Variants in ACBD6 observed in about 807,000 individuals in gnomAD.
ACBD6 encodes acyl-CoA binding domain containing 6.
In ACBD6, 28 loss-of-function variants were observed where a neutral mutation model predicts 37.2. The ratio of observed to expected loss-of-function variants is 0.75; its 90% CI spans 0.56 to 1.03. The LOEUF (loss-of-function observed/expected upper bound fraction) is 1.03. Ranked by LOEUF, ACBD6 falls within the 50% of genes least tolerant of loss-of-function variation. The pLI is 0.00. For missense variants in ACBD6, 340 were observed against 337.4 expected, an observed-to-expected ratio of 1.01 and a Z score of -0.06; for synonymous variants, 113 against 126.8, an observed-to-expected ratio of 0.89 and a Z score of 0.73.
At position 180,475,252 on chromosome 1, in the gene ACBD6, T is replaced by G. The variant is rs559485403; in HGVS notation, c.384+17017A>C. Among the ~76,000 whole-genome samples, 6 of 152,372 alleles carry G rather than the reference T, an allele frequency of 3.9e-5. No homozygotes were observed. The East Asian group carries it at 1.2e-3, about 29-fold the overall frequency. On this transcript the variant is annotated intron_variant, in intron 3 of 7. Coordinates refer to ENST00000367595, the MANE Select transcript of ACBD6 (RefSeq NM_032360.4). Reference sequence around the variant, plus strand: ...GAAACCACTGCCACAGTCGAGATGATGAACATATATATCCACCATCTCGGA... The same window carrying G: ...GAAACCACTGCCACAGTCGAGATGAGGAACATATATATCCACCATCTCGGA...
chr1:180,347,361 T>TGG (rs34163299), intron 6 of ACBD6, among the ~76,000 whole-genome samples: 22 of 112,500 alleles, frequency 2.0e-4, no homozygotes, highest in Non-Finnish European at 2.3e-4. Flanking sequence ...CAACAGAAAG[T>TGG]TTTTTTTTTT....
chr1:180,405,542 TA>T (rs1647580008), intron 5 of ACBD6, among the ~76,000 whole-genome samples: 1 of 152,206 alleles, frequency 6.6e-6, no homozygotes, highest in African/African-American at 2.4e-5. Context: ...GGACTGATGA[TA>T]AACAGGTGCA....
At chr1:180,347,635 A>C (rs1178953770) in intron 6 of ACBD6, among the ~76,000 whole-genome samples, 2 of 152,156 alleles carry the variant, frequency 1.3e-5, no homozygotes. Context: ...CTATCCTTGA[A>C]AATTTTCAAG....
chr1:180,333,335 T>C (rs1320767160), intron 6 of ACBD6, among the ~76,000 whole-genome samples: 1 of 152,234 alleles, frequency 6.6e-6, no homozygotes, highest in Non-Finnish European at 1.5e-5. Flanking sequence ...TATCTAGTTC[T>C]GCATTCAATC....
chr1:180,473,826 T>TAC (rs1650670203), intron 3 of ACBD6, among the ~76,000 whole-genome samples: 2 of 152,110 alleles, frequency 1.3e-5, no homozygotes, highest in African/African-American at 2.4e-5. Flanking sequence ...TATGCACATA[T>TAC]ACACACACAC....
chr1:180,323,006 T>C lies in ACBD6; in HGVS notation c.664-8284A>G, dbSNP rs568598615. 2.6e-5 allele frequency among the ~76,000 whole-genome samples: 4 copies of C among 152,036 alleles called. No individual in the cohort carries two copies. In the East Asian group the frequency reaches 7.7e-4, roughly 29 times the overall value. ...TTTTTTGATGCAGGCGCTATAAACT[T>C]CTCTCTTGGTACTGCTTTCACTGTA... On this transcript the variant is annotated intron_variant, in intron 6 of 7. Coordinates refer to ENST00000367595, the MANE Select transcript of ACBD6 (RefSeq NM_032360.4).
chr1:180,360,113 G>A (rs1652792427), intron 6 of ACBD6, among the ~76,000 whole-genome samples: 1 of 152,058 alleles, frequency 6.6e-6, no homozygotes, highest in Admixed American at 6.5e-5. Flanking sequence ...TATGCAATTG[G>A]TTATAGAAAA....
intron 6 of ACBD6, among the ~76,000 whole-genome samples, chr1:180,389,330 T>C (rs1022029074): frequency 2.6e-5 from 4 of 152,068 alleles, no homozygotes; most frequent in South Asian, 2.1e-4. Flanking sequence ...AGAACATGAA[T>C]TCATCATTTT....
At chr1:180,421,215 G>A (rs1648348166) in intron 4 of ACBD6, among the ~76,000 whole-genome samples, 1 of 152,068 alleles carries the variant, frequency 6.6e-6, no homozygotes, top group South Asian at 2.1e-4. Context: ...CCCTCCATGT[G>A]TCCATGTGTT....
At chr1:180,299,033 G>GA (rs1650027499) in intron 7 of ACBD6, among the ~76,000 whole-genome samples, 1 of 151,146 alleles carries the variant, frequency 6.6e-6, no homozygotes, top group Non-Finnish European at 1.5e-5. Flanking sequence ...AATAGTTGTT[G>GA]AAAAAATATG....
intron 6 of ACBD6, among the ~76,000 whole-genome samples, chr1:180,357,808 G>GA (rs1412543312): frequency 3.3e-5 from 5 of 152,156 alleles, no homozygotes; most frequent in Non-Finnish European, 7.4e-5. Context: ...CCCTACAGGT[G>GA]AAAGACTTGG....
intron 3 of ACBD6, among the ~76,000 whole-genome samples, chr1:180,459,967 CTTTTTT>C (rs67323272): frequency 1.9e-5 from 2 of 107,980 alleles, no homozygotes; most frequent in African/African-American, 6.5e-5. Context: ...CAGACTGCTT[CTTTTTT>C]TTTTTTTTTT....
intron 5 of ACBD6, among the ~76,000 whole-genome samples, chr1:180,400,055 G>A (rs992811176): frequency 6.6e-6 from 1 of 152,106 alleles, no homozygotes; most frequent in Admixed American, 6.5e-5. Context: ...ATTTTCCTTA[G>A]GTTTGACCCA....
intron 6 of ACBD6, among the ~76,000 whole-genome samples, chr1:180,363,608 A>C (rs191972738): frequency 9.5e-4 from 144 of 152,316 alleles, no homozygotes; most frequent in Middle Eastern, 6.8e-3. Flanking sequence ...GGGAGGACTG[A>C]AAGGAATGAA....
chr1:180,326,541 C>T (rs191671826), intron 6 of ACBD6: 4 of 152,530 alleles, frequency 2.6e-5, no homozygotes, highest in African/African-American at 7.2e-5. Flanking sequence ...GGCGTTCTAG[C>T]CCATTGTGGC....
At chr1:180,414,919 A>G (rs1648013139) in intron 4 of ACBD6, among the ~76,000 whole-genome samples, 1 of 152,118 alleles carries the variant, frequency 6.6e-6, no homozygotes, top group East Asian at 1.9e-4. Flanking sequence ...GTAGAGCTGC[A>G]AATAATACCA....
In ACBD6 at chr1:180,288,303, A is replaced by T. The variant is rs902091905; in HGVS notation, c.*60T>A. On this transcript the variant is annotated 3_prime_UTR_variant, in exon 8 of 8. Coordinates refer to ENST00000367595, the MANE Select transcript of ACBD6 (RefSeq NM_032360.4). ...GGTGGAAAAGAAGTATTATTTTTGT[A>T]GTTTTCTTTCATAATGGAAGCCTTA... 6.2e-7 allele frequency: 1 copy of T among 1,607,026 alleles called. No individual in the cohort carries two copies. Among genetic ancestry groups the T allele is most frequent in the African/African-American group, 1.3e-5 (1 of 74,744 alleles).
At chr1:180,281,057 C>A (rs139194007) in intron 9 of ACBD6, among the ~76,000 whole-genome samples, 108 of 152,256 alleles carry the variant, frequency 7.1e-4, no homozygotes, top group African/African-American at 2.5e-3. Flanking sequence ...CCACTTTATC[C>A]TCTAGTGTAC....
chr1:180,420,740 T>G (rs1309163461), intron 4 of ACBD6, among the ~76,000 whole-genome samples: 1 of 152,214 alleles, frequency 6.6e-6, no homozygotes, highest in African/African-American at 2.4e-5. Context: ...CGGGGCTTCT[T>G]ATTGTACAAC....
Sources: gnomAD v4.1 joint callset for allele counts (sites outside exome capture counted in the v4.1 genomes callset) on GRCh38, gnomAD v4.1.1 for gene constraint, MANE v1.5 for transcripts, NCBI Gene and HGNC (gene_info 2026-07-23, HGNC 2026-07-21) for gene names.